Variants in AHI1 observed in about 807,000 individuals in gnomAD.
AHI1 encodes jouberin.
A neutral mutation model predicts 149.3 loss-of-function variants in AHI1; 123 were observed. The observed-to-expected ratio is 0.82, with a 90% CI of 0.71 to 0.96. AHI1 has a LOEUF of 0.96. Among genes scored for constraint, AHI1 ranks in the 40% least tolerant of loss-of-function variants. AHI1 has a pLI of 0.00. For synonymous variants in AHI1, 475 were observed against 459.8 expected, an observed-to-expected ratio of 1.03 and a Z score of -0.42; for missense variants, 1,439 against 1,422.7, an observed-to-expected ratio of 1.01 and a Z score of -0.18.
chr6:135,293,406 G>GAAAAAAAAAAAAAAAAAAAAAAAAAA (rs71547029), intron 27 of AHI1, among the ~76,000 whole-genome samples: 14 of 65,574 alleles, frequency 2.1e-4, no homozygotes, highest in Non-Finnish European at 3.5e-4. Flanking sequence ...AAAAAAAAAA[G>GAAAAAAAAAAAAAAAAAAAAAAAAAA]AAAAAAAAAA....
chr6:135,351,135 C>CAAAAAAAAAAAAAAAAAA (rs1183574427), intron 24 of AHI1, among the ~76,000 whole-genome samples: 3 of 131,368 alleles, frequency 2.3e-5, no homozygotes, highest in African/African-American at 1.0e-4. Flanking sequence ...AAACAAAAAA[C>CAAAAAAAAAAAAAAAAAA]AAAAAAAACA....
intron 23 of AHI1, among the ~76,000 whole-genome samples, chr6:135,365,413 C>T (rs534542936): frequency 1.1e-3 from 164 of 152,292 alleles, no homozygotes; most frequent in African/African-American, 3.8e-3. Context: ...GTCATTTTCA[C>T]AATATTGGTT....
At chr6:135,333,081 CAT>C (rs1447428349) in intron 24 of AHI1, among the ~76,000 whole-genome samples, 1 of 152,240 alleles carries the variant, frequency 6.6e-6, no homozygotes, top group Non-Finnish European at 1.5e-5. Flanking sequence ...TTGCTCCACA[CAT>C]GTGCAGATCA....
At chr6:135,342,506 T>C (rs1790531166) in intron 24 of AHI1, among the ~76,000 whole-genome samples, 1 of 151,718 alleles carries the variant, frequency 6.6e-6, no homozygotes, top group Non-Finnish European at 1.5e-5. Flanking sequence ...AATATACCAA[T>C]AAACAGAATC....
At chr6:135,306,510 G>A (rs1583611176) in intron 26 of AHI1, among the ~76,000 whole-genome samples, 1 of 152,312 alleles carries the variant, frequency 6.6e-6, no homozygotes, top group Non-Finnish European at 1.5e-5. Context: ...TGCTGCTGTA[G>A]AGAATGGGGT....
At chr6:135,300,868 T>C (rs1012325485) in intron 26 of AHI1, 4 of 1,040,370 alleles carry the variant, frequency 3.8e-6, no homozygotes, top group African/African-American at 1.7e-5. Context: ...AATCTCCCAA[T>C]ACAATGTGGT....
At chr6:135,337,621 G>A (rs1789595722) in intron 24 of AHI1, among the ~76,000 whole-genome samples, 1 of 151,896 alleles carries the variant, frequency 6.6e-6, no homozygotes, top group Non-Finnish European at 1.5e-5. Flanking sequence ...AATCAGCTAG[G>A]TGTGGTGGTG....
intron 24 of AHI1, among the ~76,000 whole-genome samples, chr6:135,330,497 A>G (rs1349813904): frequency 6.6e-6 from 1 of 152,226 alleles, no homozygotes; most frequent in Admixed American, 6.5e-5. Context: ...TACTTAATAG[A>G]CTACAGTAAA....
At chr6:135,441,553 T>C (rs1326403324) in intron 14 of AHI1, among the ~76,000 whole-genome samples, 2 of 149,336 alleles carry the variant, frequency 1.3e-5, no homozygotes, top group Non-Finnish European at 2.9e-5. Flanking sequence ...CTCCTCTATT[T>C]TTGAGATTTA....
At chr6:135,375,946 T>C (rs1439290996) in intron 23 of AHI1, among the ~76,000 whole-genome samples, 2 of 152,056 alleles carry the variant, frequency 1.3e-5, no homozygotes, top group East Asian at 3.9e-4. Flanking sequence ...AACTGGTTCA[T>C]ATCAAAGGAC....
intron 27 of AHI1, among the ~76,000 whole-genome samples, chr6:135,295,406 G>A (rs1782957878): frequency 2.0e-5 from 3 of 152,294 alleles, no homozygotes; most frequent in Middle Eastern, 3.4e-3. Flanking sequence ...ACTTCAAGAT[G>A]TCACCCAAGA....
At chr6:135,364,485 G>T (rs1260859951) in intron 23 of AHI1, among the ~76,000 whole-genome samples, 1 of 150,284 alleles carries the variant, frequency 6.7e-6, no homozygotes, top group African/African-American at 2.5e-5. Context: ...CTTCCCAGAC[G>T]GGGTGGCGGC....
At chr6:135,359,799 G>C (rs1310857527) in intron 23 of AHI1, among the ~76,000 whole-genome samples, 1 of 151,778 alleles carries the variant, frequency 6.6e-6, no homozygotes, top group African/African-American at 2.4e-5. Flanking sequence ...TATCTAAACA[G>C]AAAGTAATTT....
intron 13 of AHI1, among the ~76,000 whole-genome samples, chr6:135,445,175 A>G (rs1381593957): frequency 2.0e-5 from 3 of 152,238 alleles, no homozygotes; most frequent in African/African-American, 7.2e-5. Flanking sequence ...AGAAAGTCAA[A>G]TGTGATATAA....
intron 15 of AHI1, among the ~76,000 whole-genome samples, chr6:135,434,380 G>C (rs1275576364): frequency 1.3e-5 from 2 of 151,892 alleles, no homozygotes; most frequent in Admixed American, 6.6e-5. Context: ...TTTTACCACA[G>C]TGTATTCTCA....
At chr6:135,480,239 A>G (rs1036754983) in intron 5 of AHI1, among the ~76,000 whole-genome samples, 4 of 152,130 alleles carry the variant, frequency 2.6e-5, no homozygotes, top group African/African-American at 9.7e-5. Flanking sequence ...GGAGGATCAC[A>G]TGGACCCAGA....
chr6:135,436,497 G>T (rs1785419648), intron 15 of AHI1, among the ~76,000 whole-genome samples: 2 of 152,222 alleles, frequency 1.3e-5, no homozygotes. Flanking sequence ...AGTAAAGACA[G>T]TATGTGTAGA....
intron 14 of AHI1, among the ~76,000 whole-genome samples, chr6:135,441,895 A>T (rs1022819434): frequency 7.2e-5 from 11 of 152,172 alleles, no homozygotes; most frequent in African/African-American, 2.7e-4. Context: ...ATTAAAAAAA[A>T]GGGAATCAAC....
chr6:135,492,956 T>C, intron 3 of AHI1: 6 of 973,748 alleles, frequency 6.2e-6, no homozygotes, highest in Non-Finnish European at 7.3e-6. Flanking sequence ...GTAATATGCA[T>C]GTTTTTGAGA....
Sources: gnomAD v4.1 joint callset for allele counts (sites outside exome capture counted in the v4.1 genomes callset) on GRCh38, gnomAD v4.1.1 for gene constraint, MANE v1.5 for transcripts, NCBI Gene and HGNC (gene_info 2026-07-23, HGNC 2026-07-21) for gene names.